The following ARMC6 variants were observed in gnomAD, a reference collection of about 807,000 sequenced individuals.
ARMC6 encodes armadillo repeat containing 6, also known as armadillo repeat-containing protein 6.
Under a neutral mutation model 49.2 loss-of-function variants are expected in ARMC6, and 43 were observed. That is an observed-to-expected ratio of 0.87 (90% CI 0.69 to 1.13). ARMC6 has a LOEUF of 1.13. Among genes scored for constraint, ARMC6 ranks in the 50% most tolerant of loss-of-function variants. ARMC6 has a pLI of 0.00. For missense variants in ARMC6, 627 were observed against 682.0 expected, an observed-to-expected ratio of 0.92 and a Z score of 0.90; for synonymous variants, 262 against 289.6, an observed-to-expected ratio of 0.90 and a Z score of 0.97.
intron 2 of ARMC6, among the ~76,000 whole-genome samples, chr19:19,040,137 G>C (rs1394445521): frequency 5.3e-5 from 8 of 152,088 alleles, no homozygotes. Flanking sequence ...GATCAGATTC[G>C]GGTTTGAGAT....
At chr19:19,047,325 A>G (rs1361515688) in intron 4 of ARMC6, among the ~76,000 whole-genome samples, 1 of 152,192 alleles carries the variant, frequency 6.6e-6, no homozygotes, top group Non-Finnish European at 1.5e-5. Flanking sequence ...ACCTTTGTGC[A>G]TCTTGGCTTA....
intron 2 of ARMC6, among the ~76,000 whole-genome samples, chr19:19,038,001 C>T (rs1388253060): frequency 6.6e-6 from 1 of 152,220 alleles, no homozygotes; most frequent in African/African-American, 2.4e-5. Context: ...CTCCCCATCA[C>T]TTGCATTATG....
intron 2 of ARMC6, chr19:19,039,343 T>C: frequency 2.2e-6 from 1 of 453,512 alleles, no homozygotes; most frequent in South Asian, 1.6e-5. Flanking sequence ...TACTATGTTG[T>C]CCTTGCTGGT....
chr19:19,054,425 A>G (rs2059526318), intron 6 of ARMC6, 104 bp downstream of exon 6: 11 of 1,262,298 alleles, frequency 8.7e-6, no homozygotes, highest in Non-Finnish European at 1.1e-5. Flanking sequence ...TGTCGGAACC[A>G]AAGTGCAGTT....
chr19:19,042,964 T>C, intron 3 of ARMC6, 87 bp downstream of exon 3: 4 of 1,523,360 alleles, frequency 2.6e-6, no homozygotes, highest in Non-Finnish European at 3.6e-6. Context: ...CCACTGGGGG[T>C]GCCACATGCC....
At chr19:19,049,145 C>T (rs770281658) in intron 4 of ARMC6, among the ~76,000 whole-genome samples, 3 of 151,432 alleles carry the variant, frequency 2.0e-5, no homozygotes, top group African/African-American at 7.3e-5. Context: ...CTCTGCTTCC[C>T]GGGCTCAAGC....
At chr19:19,047,441 T>A (rs756245520) in intron 4 of ARMC6, among the ~76,000 whole-genome samples, 1 of 152,156 alleles carries the variant, frequency 6.6e-6, no homozygotes, top group Non-Finnish European at 1.5e-5. Context: ...AACAGGCTTG[T>A]AGAAACAGAA....
chr19:19,049,881 G>A (rs1252165419), intron 4 of ARMC6, among the ~76,000 whole-genome samples: 2 of 152,088 alleles, frequency 1.3e-5, no homozygotes, highest in African/African-American at 2.4e-5. Context: ...AAAATTATCC[G>A]GGCGTGGTGG....
intron 4 of ARMC6, among the ~76,000 whole-genome samples, chr19:19,046,661 AT>A (rs1016608104): frequency 6.6e-6 from 1 of 151,276 alleles, no homozygotes; most frequent in Non-Finnish European, 1.5e-5. Context: ...CGCCCAGCGG[AT>A]TTTTGTATTT....
In ARMC6 at chr19:19,046,093, G is replaced by A. The variant is rs1004244969; in HGVS notation, c.279+2019G>A. On this transcript the variant is annotated intron_variant, in intron 4 of 8. Transcript: ENST00000535612. ...CTGGTGAGAGGCAGAGCTGGTACCC[G>A]GATCCAGGAAGCAAAGCACTGAAAG... Among the ~76,000 whole-genome samples, 6 of 152,298 alleles carry A rather than the reference G, an allele frequency of 3.9e-5. No individual in the cohort carries two copies. In the East Asian group the frequency reaches 1.2e-3, roughly 29 times the overall value.
intron 4 of ARMC6, among the ~76,000 whole-genome samples, chr19:19,045,725 C>T (rs1356205866): frequency 2.0e-5 from 3 of 151,190 alleles, no homozygotes; most frequent in African/African-American, 4.9e-5. Flanking sequence ...GATCTTGGCT[C>T]ACTGCAAGCT....
At chr19:19,047,858 G>T (rs745440052) in intron 4 of ARMC6, among the ~76,000 whole-genome samples, 1 of 152,152 alleles carries the variant, frequency 6.6e-6, no homozygotes, top group East Asian at 1.9e-4. Context: ...ACGTACATTG[G>T]TGTGGTCTGG....
In ARMC6 at chr19:19,054,307, C is replaced by A; in HGVS notation, c.1009C>A (p.Gln337Lys). The change falls in exon 6 of 9, where the codon CAG (glutamine) becomes AAG (lysine). Residue 337 changes from glutamine (Q) to lysine (K), a missense_variant. Coordinates refer to ENST00000535612, the MANE Select transcript of ARMC6 (RefSeq NM_001199196.2). The stretch of plus-strand genomic sequence containing the variant: ...CTGCAATGACCACCAGATGAGGGAC[C>A]AGAGCGGCGTTCAGGTATGAAGTCC... Reference protein sequence around the residue: ...ADCNDHQMRDQSGVQELVKQV... With the variant: ...ADCNDHQMRDKSGVQELVKQV... 1 of 1,589,552 alleles carries A rather than the reference C, an allele frequency of 6.3e-7. No individual in the cohort carries two copies. The highest frequency in any genetic ancestry group is 8.6e-7 in the Non-Finnish European group (1 of 1,167,872).
chr19:19,037,512 G>A (rs2059380379), intron 2 of ARMC6: 2 of 503,230 alleles, frequency 4.0e-6, no homozygotes, highest in Non-Finnish European at 7.2e-6. Context: ...AACTACAGGT[G>A]CATGCTCCCA....
At chr19:19,042,559 T>G (rs2059418899) in intron 2 of ARMC6, among the ~76,000 whole-genome samples, 152 bp from the exon 3 acceptor site, 2 of 152,212 alleles carry the variant, frequency 1.3e-5, no homozygotes, top group African/African-American at 4.8e-5. Flanking sequence ...TATCACCCTT[T>G]CCTGTGATAA....
intron 3 of ARMC6, among the ~76,000 whole-genome samples, chr19:19,043,325 A>G (rs2059424606): frequency 6.6e-6 from 1 of 152,184 alleles, no homozygotes; most frequent in Non-Finnish European, 1.5e-5. Flanking sequence ...TAGCACAACT[A>G]GCTCCGGCAG....
intron 4 of ARMC6, among the ~76,000 whole-genome samples, chr19:19,048,175 G>A (rs1437002540): frequency 4.6e-5 from 7 of 151,982 alleles, no homozygotes; most frequent in East Asian, 1.9e-4. Context: ...ATGAAACCCC[G>A]TCTCTACTAA....
intron 2 of ARMC6, among the ~76,000 whole-genome samples, chr19:19,036,715 C>T (rs539360879): frequency 1.3e-5 from 2 of 152,276 alleles, no homozygotes; most frequent in South Asian, 2.1e-4. Flanking sequence ...AGATGGGACT[C>T]CTGCATAAAC....
At chr19:19,050,347 C>T (rs527291709) in intron 4 of ARMC6, among the ~76,000 whole-genome samples, 37 of 152,110 alleles carry the variant, frequency 2.4e-4, no homozygotes, top group Non-Finnish European at 4.9e-4. Flanking sequence ...TGAGTGTATC[C>T]CCAGAAGTGG....
Sources: gnomAD v4.1 joint callset for allele counts (sites outside exome capture counted in the v4.1 genomes callset) on GRCh38, gnomAD v4.1.1 for gene constraint, MANE v1.5 for transcripts, NCBI Gene and HGNC (gene_info 2026-07-23, HGNC 2026-07-21) for gene names.